The following FOXO3 variants were observed in gnomAD, a reference collection of about 807,000 sequenced individuals.
FOXO3 encodes the protein forkhead box protein O3.
FOXO3 carries 4 observed loss-of-function variants against 41.9 expected under a neutral mutation model. The ratio of observed to expected loss-of-function variants is 0.10; its 90% CI spans 0.05 to 0.22. FOXO3 has a LOEUF of 0.22. FOXO3 is among the 10% of genes least tolerant of loss of function. The pLI is 1.00. For missense variants in FOXO3, 534 were observed against 906.8 expected (o/e 0.59, Z 5.28); for synonymous variants, 318 against 389.3 (o/e 0.82, Z 2.16).
intron 1 of FOXO3, among the ~76,000 whole-genome samples, chr6:108,564,456 G>A (rs1417168008): frequency 6.6e-6 from 1 of 152,218 alleles, no homozygotes; most frequent in African/African-American, 2.4e-5. Flanking sequence ...TTCATTCTGA[G>A]TAATGTAAGA....
At position 108,680,680 on chromosome 6, in the gene FOXO3, A is replaced by G. The variant is rs1190793011; in HGVS notation, c.*888A>G. 1 of 152,586 alleles carries G rather than the reference A, an allele frequency of 6.6e-6. No homozygotes were observed. The highest frequency in any genetic ancestry group is 6.5e-5 in the Admixed American group (1 of 15,270). 9.5% of individuals were successfully genotyped at this position (152,586 alleles called of 1,614,324 possible). Reference sequence around the variant, plus strand: ...AACTAGAATATTGATATTTTCAGGAAAGAAATCAGCTCAGCTCTCCACTCA... The same window carrying G: ...AACTAGAATATTGATATTTTCAGGAGAGAAATCAGCTCAGCTCTCCACTCA... On this transcript the variant is annotated 3_prime_UTR_variant, in exon 3 of 3. Coordinates refer to ENST00000406360, the MANE Select transcript of FOXO3 (RefSeq NM_001455.4).
At chr6:108,589,522 T>G (rs1440846886) in intron 1 of FOXO3, among the ~76,000 whole-genome samples, 1 of 152,212 alleles carries the variant, frequency 6.6e-6, no homozygotes, top group Non-Finnish European at 1.5e-5. Context: ...AAGGCAGGCT[T>G]TTGTTCTTAG....
intron 1 of FOXO3, among the ~76,000 whole-genome samples, chr6:108,655,113 A>C (rs1778649254): frequency 6.6e-6 from 1 of 152,104 alleles, no homozygotes; most frequent in Non-Finnish European, 1.5e-5. Flanking sequence ...ATCAATTCCT[A>C]GTTTTGTGAA....
At chr6:108,655,550 A>G (rs552177636) in intron 1 of FOXO3, among the ~76,000 whole-genome samples, 2 of 152,286 alleles carry the variant, frequency 1.3e-5, no homozygotes, top group South Asian at 4.1e-4. Context: ...ATGTACCTAT[A>G]TCCAGGCCTT....
chr6:108,617,468 CT>C (rs200536852), intron 1 of FOXO3, among the ~76,000 whole-genome samples: 133 of 146,548 alleles, frequency 9.1e-4, no homozygotes, highest in Admixed American at 3.8e-3. Context: ...ATATAGGATT[CT>C]TTTTTTTTTA....
chr6:108,638,207 A>G (rs1199669225), intron 1 of FOXO3, among the ~76,000 whole-genome samples: 1 of 152,218 alleles, frequency 6.6e-6, no homozygotes, highest in Non-Finnish European at 1.5e-5. Context: ...AGTCATTTTC[A>G]GATGCAGTCC....
chr6:108,653,323 T>C (rs1361193406), intron 1 of FOXO3, among the ~76,000 whole-genome samples: 1 of 152,206 alleles, frequency 6.6e-6, no homozygotes, highest in Non-Finnish European at 1.5e-5. Flanking sequence ...CTCTGCCGGG[T>C]GCTAAAGCTA....
chr6:108,599,036 G>A (rs957595235), intron 1 of FOXO3, among the ~76,000 whole-genome samples: 16 of 152,196 alleles, frequency 1.1e-4, no homozygotes, highest in African/African-American at 3.4e-4. Flanking sequence ...AACTTGAGAT[G>A]TATACAGAGT....
At chr6:108,562,087 G>T (rs1026233266) in intron 1 of FOXO3, among the ~76,000 whole-genome samples, 2 of 152,176 alleles carry the variant, frequency 1.3e-5, no homozygotes, top group African/African-American at 2.4e-5. Context: ...ACGCCGGCGA[G>T]GGAAGGGCGA....
At chr6:108,641,729 A>C (rs928015473) in intron 1 of FOXO3, among the ~76,000 whole-genome samples, 7 of 152,102 alleles carry the variant, frequency 4.6e-5, no homozygotes, top group African/African-American at 1.7e-4. Flanking sequence ...CCCTTAAAAT[A>C]TAAGTATATG....
chr6:108,570,914 T>G (rs1475289719), intron 1 of FOXO3, among the ~76,000 whole-genome samples: 1 of 152,202 alleles, frequency 6.6e-6, no homozygotes, highest in Non-Finnish European at 1.5e-5. Context: ...ACCCTGGTCT[T>G]CTAAGACCCA....
chr6:108,625,418 C>G (rs1472116355), intron 1 of FOXO3, among the ~76,000 whole-genome samples: 2 of 152,186 alleles, frequency 1.3e-5, no homozygotes, highest in East Asian at 3.9e-4. Context: ...AGATTGAAAA[C>G]TAGTGCAAAT....
chr6:108,648,558 T>A (rs1055896544), intron 1 of FOXO3, among the ~76,000 whole-genome samples: 4 of 152,222 alleles, frequency 2.6e-5, no homozygotes, highest in Admixed American at 2.6e-4. Context: ...TCTTGCTTTT[T>A]GTTTCTCATC....
chr6:108,564,219 TCTTTGATGATGGAGAAGGCC>T (rs1384453925), intron 1 of FOXO3, among the ~76,000 whole-genome samples: 12 of 152,382 alleles, frequency 7.9e-5, no homozygotes, highest in Admixed American at 1.3e-4. Flanking sequence ...AACTTTCAAA[TCTTTGATGATGGAGAAGGCC>T]CTTTGAAACT....
chr6:108,661,507 A>AT (rs1197144881), intron 1 of FOXO3, among the ~76,000 whole-genome samples: 1 of 152,062 alleles, frequency 6.6e-6, no homozygotes, highest in African/African-American at 2.4e-5. Context: ...CATTTTACAG[A>AT]TTAGAATGAG....
chr6:108,671,802 A>G (rs1446558705), intron 2 of FOXO3, among the ~76,000 whole-genome samples: 4 of 152,196 alleles, frequency 2.6e-5, no homozygotes, highest in African/African-American at 9.7e-5. Context: ...GAGAACTTTT[A>G]TTTCCAGAGT....
At chr6:108,564,875 G>A (rs887027412) in intron 1 of FOXO3, among the ~76,000 whole-genome samples, 4 of 151,668 alleles carry the variant, frequency 2.6e-5, no homozygotes, top group Non-Finnish European at 5.9e-5. Context: ...TTATTTTACT[G>A]GTGAAAAACC....
At chr6:108,669,137 A>G (rs553756783) in intron 2 of FOXO3, among the ~76,000 whole-genome samples, 1 of 152,220 alleles carries the variant, frequency 6.6e-6, no homozygotes, top group East Asian at 1.9e-4. Context: ...ATAAAAACTA[A>G]ATAAACTTGA....
rs56924132 is a variant in FOXO3 at position 108,660,135 on chromosome 6, G to A, written c.622-3320G>A. On this transcript the variant is annotated intron_variant, in intron 1 of 2. Transcript: ENST00000406360. ...ATTTCCATTTAGCCTCGGGACCTCC[G>A]TGTTTTTTCACTTAGAAGCTTGAGT... 7.2e-5 allele frequency among the ~76,000 whole-genome samples: 11 copies of A among 152,166 alleles called. No individual in the cohort carries two copies. In the East Asian group the frequency reaches 7.7e-4, roughly 11 times the overall value.
Sources: gnomAD v4.1 joint callset for allele counts (sites outside exome capture counted in the v4.1 genomes callset) on GRCh38, gnomAD v4.1.1 for gene constraint, MANE v1.5 for transcripts, NCBI Gene and HGNC (gene_info 2026-07-23, HGNC 2026-07-21) for gene names.